The following ZZEF1 variants were observed in gnomAD, a reference collection of about 807,000 sequenced individuals.
ZZEF1 encodes zinc finger ZZ-type and EF-hand domain containing 1.
A neutral mutation model predicts 342.8 loss-of-function variants in ZZEF1; 157 were observed. That is an observed-to-expected ratio of 0.46 (90% CI 0.40 to 0.52). The LOEUF is 0.52. Among genes scored for constraint, ZZEF1 ranks in the 20% least tolerant of loss-of-function variants. The pLI, the probability that ZZEF1 is intolerant of heterozygous loss-of-function variation, is 0.00. For missense variants in ZZEF1, 3,480 were observed against 3,725.6 expected (o/e 0.93, Z 1.72); for synonymous variants, 1,505 against 1,429.1 (o/e 1.05, Z -1.20).
chr17:4,055,681 T>A (rs533093129), intron 33 of ZZEF1, among the ~76,000 whole-genome samples: 2 of 152,322 alleles, frequency 1.3e-5, no homozygotes, highest in South Asian at 4.1e-4. Flanking sequence ...ATATTGTACA[T>A]CAGCTTTAAG....
At chr17:4,141,695 A>G (rs1430021512) in intron 1 of ZZEF1, among the ~76,000 whole-genome samples, 1 of 131,394 alleles carries the variant, frequency 7.6e-6, no homozygotes, top group South Asian at 2.8e-4. Flanking sequence ...TGTACGCCTG[A>G]ATTTAAAATA....
intron 26 of ZZEF1, among the ~76,000 whole-genome samples, chr17:4,068,404 A>G (rs984977575): frequency 1.3e-5 from 2 of 152,108 alleles, no homozygotes; most frequent in Non-Finnish European, 2.9e-5. Flanking sequence ...CTCCTGTCTC[A>G]GCCTCCCGAG....
rs754530080 is a variant in ZZEF1, at chr17:4,051,523, C to T, written c.5600+448G>A. ...GCAACCTCCGCCTCCCAGGTTCAAG[C>T]GATTCTCATGCCTTAGCCTCCCAAG... is the stretch of plus-strand genomic sequence containing the variant. On this transcript the variant is annotated intron_variant, in intron 35 of 54. Coordinates refer to ENST00000381638, the MANE Select transcript of ZZEF1 (RefSeq NM_015113.4). Among the ~76,000 whole-genome samples, 8 of 152,160 alleles carry T rather than the reference C, an allele frequency of 5.3e-5. 1 individual carries two copies. The highest frequency in any genetic ancestry group is 6.8e-3 in the Middle Eastern group (2 of 294).
At chr17:4,062,994 C>G in intron 29 of ZZEF1, 77 bp from the exon 30 acceptor site, 1 of 1,439,304 alleles carries the variant, frequency 6.9e-7, no homozygotes, top group South Asian at 1.4e-5. Flanking sequence ...CCGCCAAAGC[C>G]CTGATGCCAT....
intron 18 of ZZEF1, among the ~76,000 whole-genome samples, chr17:4,078,735 T>C (rs1475981968): frequency 6.6e-6 from 1 of 152,210 alleles, no homozygotes; most frequent in Non-Finnish European, 1.5e-5. Context: ...TGATGACATA[T>C]TTGCTCCTCA....
intron 42 of ZZEF1, 43 bp downstream of exon 42, chr17:4,032,083 C>T: frequency 6.3e-7 from 1 of 1,593,734 alleles, no homozygotes; most frequent in Non-Finnish European, 8.5e-7. Flanking sequence ...AGGGATTAGG[C>T]ATTTTTCTTC....
chr17:4,130,674 G>A (rs2058649128), intron 1 of ZZEF1, among the ~76,000 whole-genome samples: 1 of 152,238 alleles, frequency 6.6e-6, no homozygotes, highest in African/African-American at 2.4e-5. Flanking sequence ...CCGGGGACCA[G>A]TTCAAGACGT....
At chr17:4,124,134 G>T in intron 1 of ZZEF1, 83 bp from the exon 2 acceptor site, 1 of 1,446,938 alleles carries the variant, frequency 6.9e-7, no homozygotes. Flanking sequence ...TAAAATTCTC[G>T]AGACCGGTGA....
intron 18 of ZZEF1, among the ~76,000 whole-genome samples, chr17:4,079,692 G>C (rs537074738): frequency 2.4e-4 from 37 of 152,238 alleles, no homozygotes; most frequent in African/African-American, 8.7e-4. Flanking sequence ...GAGCAACCTT[G>C]GCAAATGATA....
At chr17:4,040,914 G>A (rs1208561744) in intron 39 of ZZEF1, among the ~76,000 whole-genome samples, 3 of 152,212 alleles carry the variant, frequency 2.0e-5, no homozygotes, top group Non-Finnish European at 4.4e-5. Context: ...CCAAGAGATG[G>A]TTGCTCAACG....
chr17:4,104,148 G>A (rs2058172032), intron 8 of ZZEF1, among the ~76,000 whole-genome samples: 1 of 152,206 alleles, frequency 6.6e-6, no homozygotes, highest in South Asian at 2.1e-4. Context: ...AGGGGGGAAA[G>A]CAGTGGCAGA....
At position 4,021,283 on chromosome 17, in the gene ZZEF1, A is replaced by C. The variant is rs772401545; in HGVS notation, c.7250T>G (p.Ile2417Ser). 6 of 1,613,986 alleles carry C rather than the reference A, an allele frequency of 3.7e-6. No individual in the cohort carries two copies. The highest frequency in any genetic ancestry group is 5.1e-6 in the Non-Finnish European group (6 of 1,179,958). ...GTCTCCGTGCTCAGCCAAAGCGTTG[A>C]TCTCCTTTTTTGAGGAGTACAGCAT... ...SIMLYSSKKE[I>S]NALAEHGDLE... Residue 2417 changes from isoleucine to serine, a missense_variant, in exon 45 of 55, where the codon ATC becomes AGC. Coordinates refer to ENST00000381638, the MANE Select transcript of ZZEF1 (RefSeq NM_015113.4).
At chr17:4,054,011 A>C in intron 34 of ZZEF1, 46 bp downstream of exon 34, 2 of 1,556,534 alleles carry the variant, frequency 1.3e-6, no homozygotes, top group South Asian at 1.2e-5. Flanking sequence ...AGAAATCAGA[A>C]GTGATATTGC....
At chr17:4,112,080 ATATATATATATATGTTT>A (rs1326103383) in intron 5 of ZZEF1, among the ~76,000 whole-genome samples, 19 of 44,448 alleles carry the variant, frequency 4.3e-4, no homozygotes, top group African/African-American at 6.7e-4. Context: ...ATATATATAT[ATATATATATATATGTTT>A]TGTTTTGTTT....
Position 4,034,147 on chromosome 17 carries a change from T to C in ZZEF1, c.6452A>G (p.Glu2151Gly). The change falls in exon 40 of 55, where the codon GAG becomes GGG. Residue 2151 changes from glutamate to glycine, a missense_variant. Physicochemically the swap from Glu to Gly is moderately conservative, Grantham distance 98. Around this residue, in one of 5 missense-constraint regions of ZZEF1, gnomAD observed 1,269 missense variants for 1,342.4 expected, o/e 0.95. Transcript: ENST00000381638. The part of the protein sequence containing the change: ...GQLIIRLLPA[E>G]VDAAVIKVLS... ...GACTTTGATCACTGCGGCGTCTACC[T>C]CTGCTGGCAAAAGACGGATAATTAA... The C allele has an allele frequency of 6.2e-7, 1 of 1,614,174 alleles. No homozygotes were observed. Among genetic ancestry groups the C allele is most frequent in the Non-Finnish European group, 8.5e-7 (1 of 1,180,042 alleles).
At position 4,074,166 on chromosome 17, in the gene ZZEF1, C is replaced by T. The variant is rs1337470662; in HGVS notation, c.3669G>A (p.Ala1223=). 9 of 1,613,742 alleles carry T rather than the reference C, an allele frequency of 5.6e-6. No homozygotes were observed. Among genetic ancestry groups the T allele is most frequent in the Admixed American group, 1.7e-5 (1 of 59,996 alleles). The part of the protein sequence containing the change: ...LMGRLASQCM[A]LKSVRQLGSN... The stretch of plus-strand genomic sequence containing the variant: ...TGCACTTACGGCGCACAGACTTGAG[C>T]GCCATGCACTGGGAAGCCAGGCGTC... Residue 1223 remains alanine (A), a synonymous_variant, in exon 24 of 55, where the codon GCG becomes GCA. Transcript: ENST00000381638.
chr17:4,048,799 C>T (rs974719761), intron 37 of ZZEF1, among the ~76,000 whole-genome samples: 9 of 152,002 alleles, frequency 5.9e-5, no homozygotes, highest in East Asian at 5.8e-4. Flanking sequence ...CTGCAACCTC[C>T]GCCTCCCGGG....
At position 4,109,795 on chromosome 17, in the gene ZZEF1, C is replaced by A; in HGVS notation, c.1135G>T (p.Val379Phe). ...CDTRIHGLRAVGFQRVKKSGV... is the reference protein window; with the variant it reads ...CDTRIHGLRAFGFQRVKKSGV... ...GACTTCTTAACTCTCTGAAAGCCAA[C>A]AGCCCTGAGACCATGAATTCTAGTG... is the stretch of plus-strand genomic sequence containing the variant. Residue 379 changes from valine (V) to phenylalanine (F), a missense_variant, in exon 6 of 55, where the codon GTT becomes TTT. By Grantham distance (50) the Val-to-Phe change is conservative (BLOSUM62 -1). This residue lies in a region of ZZEF1 where 1,528 missense variants were observed against 1,624.1 expected (regional missense o/e 0.94). Transcript: ENST00000381638. The A allele has an allele frequency of 3.7e-6, 6 of 1,614,224 alleles. No homozygotes were observed. The highest frequency in any genetic ancestry group is 5.1e-6 in the Non-Finnish European group (6 of 1,180,044).
intron 27 of ZZEF1, 143 bp from the exon 28 acceptor site, chr17:4,066,683 C>T (rs991139970): frequency 5.6e-6 from 4 of 711,786 alleles, no homozygotes; most frequent in South Asian, 3.5e-5. Context: ...GTAATACTCA[C>T]AACCTTATTA....
Sources: gnomAD v4.1 joint callset for allele counts (sites outside exome capture counted in the v4.1 genomes callset) on GRCh38, gnomAD v4.1.1 for gene constraint, gnomAD v4.1.1 regional missense constraint, MANE v1.5 for transcripts, NCBI Gene and HGNC (gene_info 2026-07-23, HGNC 2026-07-21) for gene names.